The following PCDHGB6 variants were observed in gnomAD, a reference collection of about 807,000 sequenced individuals.
PCDHGB6 encodes protocadherin gamma subfamily B, 6.
A neutral mutation model predicts 59.1 loss-of-function variants in PCDHGB6; 51 were observed. The observed-to-expected ratio is 0.86, with a 90% CI of 0.69 to 1.09. The LOEUF is 1.09. PCDHGB6 is among the 50% of genes least tolerant of loss of function. PCDHGB6 has a pLI of 0.00. For synonymous variants in PCDHGB6, 466 were observed against 495.1 expected, an observed-to-expected ratio of 0.94 and a Z score of 0.78; for missense variants, 1,148 against 1,205.1, an observed-to-expected ratio of 0.95 and a Z score of 0.70.
rs915257485 is a variant in PCDHGB6, at chr5:141,476,018, A to T, written c.2419-18789A>T. ...AACGGCATCCAGAAAGCCATGTCGG[A>T]CTCGGCGCCCAGCGCCCAAGCGCTA... On this transcript the variant is annotated intron_variant, in intron 1 of 3. Transcript: ENST00000520790. This position sits in a 1 kb window ranked among gnomAD's most constrained non-coding sequence, Gnocchi z 7.6. The T allele has an allele frequency of 5.8e-6, 8 of 1,371,412 alleles. No homozygotes were observed. Among genetic ancestry groups the T allele is most frequent in the Non-Finnish European group, 7.9e-6 (8 of 1,016,908 alleles). The allele number at this position is 1,371,412 out of a possible 1,614,324, so 85.0% of individuals were successfully genotyped here.
Position 141,426,411 on chromosome 5 carries a change from C to A in PCDHGB6, c.2418+15791C>A, listed in dbSNP as rs1561821998. 10 of 286,096 alleles carry A rather than the reference C, an allele frequency of 3.5e-5. No homozygotes were observed. In the South Asian group the frequency reaches 3.7e-4, roughly 11 times the overall value. The allele number at this position is 286,096 out of a possible 1,614,324, so 17.7% of individuals were successfully genotyped here. On this transcript the variant is annotated intron_variant, in intron 1 of 3. Coordinates refer to ENST00000520790, the MANE Select transcript of PCDHGB6 (RefSeq NM_018926.3). ...GCTACTCTATTCCAGAAGAAACGGT[C>A]CAGGGCTCCGTGGTGGGGAACCTTG... is the stretch of plus-strand genomic sequence containing the variant.
At chr5:141,430,567 A>G in intron 1 of PCDHGB6, 1 of 434,308 alleles carries the variant, frequency 2.3e-6, no homozygotes, top group Non-Finnish European at 3.9e-6. Context: ...GGGGAGAGAA[A>G]AGCGGAGATC....
rs761731200 is a variant in PCDHGB6, at chr5:141,477,252, T to C, written c.2419-17555T>C. The C allele has an allele frequency of 1.2e-6, 2 of 1,614,182 alleles. No homozygotes were observed. The highest frequency in any genetic ancestry group is 8.5e-7 in the Non-Finnish European group (1 of 1,180,034). ...ATCGCTTTGCTCAGTGTGACTGACCTGGATGCTGGCGAGAACGGGCTGGTG... is the reference window on the plus strand; with the variant it reads ...ATCGCTTTGCTCAGTGTGACTGACCCGGATGCTGGCGAGAACGGGCTGGTG... On this transcript the variant is annotated intron_variant, in intron 1 of 3. Transcript: ENST00000520790. The surrounding 1 kb of genome is among the most constrained non-coding windows in gnomAD (Gnocchi z 4.9).
intron 1 of PCDHGB6, chr5:141,428,035 A>C (rs776717344): frequency 6.2e-7 from 1 of 1,607,926 alleles, no homozygotes; most frequent in Non-Finnish European, 8.5e-7. Context: ...GAGTCCGGCT[A>C]CCTGGTGACC....
chr5:141,415,740 G>GTTTTTTTTTTTTTTTTTTTTTTT (rs57426385), intron 1 of PCDHGB6: 14 of 625,046 alleles, frequency 2.2e-5, no homozygotes, highest in East Asian at 1.4e-4. Flanking sequence ...GTTTATTAAG[G>GTTTTTTTTTTTTTTTTTTTTTTT]TTTTTTTTTT....
At chr5:141,462,235 C>T (rs1389326284) in intron 1 of PCDHGB6, among the ~76,000 whole-genome samples, 1 of 152,206 alleles carries the variant, frequency 6.6e-6, no homozygotes, top group African/African-American at 2.4e-5. Flanking sequence ...GCAGGGATTA[C>T]AGGTATGAGC....
intron 2 of PCDHGB6, among the ~76,000 whole-genome samples, chr5:141,495,296 T>TCCTCCAGAG (rs998633800): frequency 1.3e-5 from 2 of 152,054 alleles, no homozygotes; most frequent in Non-Finnish European, 2.9e-5. Flanking sequence ...ACTCAGCGCC[T>TCCTCCAGAG]CCTCCAGAGC....
At chr5:141,426,174 G>A (rs1213063298) in intron 1 of PCDHGB6, 1 of 155,354 alleles carries the variant, frequency 6.4e-6, no homozygotes, top group Non-Finnish European at 1.4e-5. Flanking sequence ...ACGGATTGGG[G>A]TGCCCTCAAA....
chr5:141,490,251 A>G lies in PCDHGB6; in HGVS notation c.2419-4556A>G, dbSNP rs1479384008. ...CCATGGAGGGCCACTGTGTGATTCA[A>G]GTGGATGTGGGGGATGTCAATGACA... is the stretch of plus-strand genomic sequence containing the variant. On this transcript the variant is annotated intron_variant, in intron 1 of 3. Coordinates refer to ENST00000520790, the MANE Select transcript of PCDHGB6 (RefSeq NM_018926.3). This position sits in a 1 kb window ranked among gnomAD's most constrained non-coding sequence, Gnocchi z 5.4. 6.2e-7 allele frequency: 1 copy of G among 1,614,210 alleles called. No homozygotes were observed. Among genetic ancestry groups the G allele is most frequent in the Non-Finnish European group, 8.5e-7 (1 of 1,180,036 alleles).
chr5:141,468,433 A>G (rs2099167290), intron 1 of PCDHGB6: 1 of 152,202 alleles, frequency 6.6e-6, no homozygotes, highest in Non-Finnish European at 1.5e-5. Context: ...GGTAATAGCA[A>G]AATGTGGGTG....
intron 1 of PCDHGB6, chr5:141,419,521 C>T (rs1418329404): frequency 1.2e-6 from 2 of 1,612,122 alleles, no homozygotes; most frequent in East Asian, 2.2e-5. Context: ...TGGTGGGCGA[C>T]CGTAACGACA....
chr5:141,478,116 C>T (rs145816520), intron 1 of PCDHGB6: 1 of 1,613,974 alleles, frequency 6.2e-7, no homozygotes, highest in Non-Finnish European at 8.5e-7. Flanking sequence ...GTGTCAGTAA[C>T]CGAGGACTCT....
Position 141,485,665 on chromosome 5 carries a change from C to G in PCDHGB6, c.2419-9142C>G. ...AGGCTCAGGATGCAGATGTGGGGAG[C>G]AATTCGATTAGCAGCTATAGGCTGA... On this transcript the variant is annotated intron_variant, in intron 1 of 3. Coordinates refer to ENST00000520790, the MANE Select transcript of PCDHGB6 (RefSeq NM_018926.3). This position sits in a 1 kb window ranked among gnomAD's most constrained non-coding sequence, Gnocchi z 5.7. 1 of 1,612,622 alleles carries G rather than the reference C, an allele frequency of 6.2e-7. No individual in the cohort carries two copies.
At chr5:141,421,702 A>G (rs2096594027) in intron 1 of PCDHGB6, 1 of 1,613,950 alleles carries the variant, frequency 6.2e-7, no homozygotes, top group Non-Finnish European at 8.5e-7. Context: ...TCCTAATGCT[A>G]GGGATCCAGA....
chr5:141,446,188 T>G (rs566309564), intron 1 of PCDHGB6, among the ~76,000 whole-genome samples: 28 of 152,326 alleles, frequency 1.8e-4, no homozygotes, highest in African/African-American at 6.3e-4. Context: ...TTTTGTTTAT[T>G]ATTATATTCC....
intron 1 of PCDHGB6, among the ~76,000 whole-genome samples, chr5:141,473,390 A>T (rs554428702): frequency 1.3e-5 from 2 of 152,190 alleles, no homozygotes; most frequent in Non-Finnish European, 2.9e-5. Flanking sequence ...GCCCTCCTGG[A>T]GCTTCTTTTT....
intron 1 of PCDHGB6, chr5:141,420,929 G>A (rs1321290902): frequency 1.4e-5 from 5 of 362,196 alleles, no homozygotes; most frequent in Non-Finnish European, 2.5e-5. Flanking sequence ...AAAGGTGAGC[G>A]TAATCATTTC....
intron 1 of PCDHGB6, among the ~76,000 whole-genome samples, chr5:141,444,880 G>A (rs527554886): frequency 6.6e-6 from 1 of 152,150 alleles, no homozygotes; most frequent in Non-Finnish European, 1.5e-5. Context: ...AAGCTTGTAG[G>A]ATTTTTGAAT....
At chr5:141,494,768 C>T (rs758949982) in intron 1 of PCDHGB6, 39 bp from the exon 2 acceptor site, 1 of 1,614,060 alleles carries the variant, frequency 6.2e-7, no homozygotes, top group South Asian at 1.1e-5. Flanking sequence ...TCTAACTTCT[C>T]ACGGGTACTC....
Sources: gnomAD v4.1 joint callset for allele counts (sites outside exome capture counted in the v4.1 genomes callset) on GRCh38, gnomAD v4.1.1 for gene constraint, Gnocchi (gnomAD v3.1) non-coding constraint, MANE v1.5 for transcripts, NCBI Gene and HGNC (gene_info 2026-07-23, HGNC 2026-07-21) for gene names.